The following CNTNAP2 variants were observed in gnomAD, a reference collection of about 807,000 sequenced individuals.
CNTNAP2 encodes contactin-associated protein-like 2.
CNTNAP2 carries 98 observed loss-of-function variants against 155.2 expected under a neutral mutation model. The ratio of observed to expected loss-of-function variants is 0.63; its 90% CI spans 0.54 to 0.75. The LOEUF is 0.75. Ranked by LOEUF, CNTNAP2 falls within the 30% of genes least tolerant of loss-of-function variation. The pLI, the probability that CNTNAP2 is intolerant of heterozygous loss-of-function variation, is 0.00. For missense variants in CNTNAP2, 1,727 were observed against 1,688.1 expected (o/e 1.02, Z -0.40); for synonymous variants, 651 against 631.2 (o/e 1.03, Z -0.47).
chr7:147,898,937 G>T (rs561191810), intron 13 of CNTNAP2, among the ~76,000 whole-genome samples: 1 of 150,362 alleles, frequency 6.7e-6, no homozygotes, highest in South Asian at 2.1e-4. Context: ...TGTTCTCAAG[G>T]TTCATCCATG....
At chr7:147,543,846 A>T (rs1363470653) in intron 11 of CNTNAP2, among the ~76,000 whole-genome samples, 1 of 152,154 alleles carries the variant, frequency 6.6e-6, no homozygotes, top group Non-Finnish European at 1.5e-5. Flanking sequence ...CTCTTTTTAT[A>T]ATGGAAACTA....
At chr7:147,929,755 A>G (rs1305436491) in intron 14 of CNTNAP2, among the ~76,000 whole-genome samples, 1 of 152,240 alleles carries the variant, frequency 6.6e-6, no homozygotes, top group Non-Finnish European at 1.5e-5. Flanking sequence ...AAGAAAATAC[A>G]TACAGAGCAG....
At chr7:147,169,303 A>G (rs1201419941) in intron 8 of CNTNAP2, among the ~76,000 whole-genome samples, 1 of 152,194 alleles carries the variant, frequency 6.6e-6, no homozygotes, top group Non-Finnish European at 1.5e-5. Flanking sequence ...TAATTTAGAT[A>G]CAGCAGGTAC....
intron 13 of CNTNAP2, among the ~76,000 whole-genome samples, chr7:147,810,806 G>T (rs1798167903): frequency 1.3e-5 from 2 of 152,290 alleles, no homozygotes; most frequent in Non-Finnish European, 2.9e-5. Context: ...CAACACGACT[G>T]GTTGAATACT....
At chr7:146,716,786 A>C (rs779294645) in intron 1 of CNTNAP2, among the ~76,000 whole-genome samples, 3 of 152,226 alleles carry the variant, frequency 2.0e-5, no homozygotes, top group Non-Finnish European at 4.4e-5. Flanking sequence ...TGCAATCTTT[A>C]AGCAGGAAGA....
At chr7:146,599,620 G>A (rs541923668) in intron 1 of CNTNAP2, among the ~76,000 whole-genome samples, 1 of 151,794 alleles carries the variant, frequency 6.6e-6, no homozygotes, top group East Asian at 1.9e-4. Flanking sequence ...CTTATATTAT[G>A]CTTTAATGTA....
At chr7:147,584,577 T>C (rs771174333) in intron 12 of CNTNAP2, among the ~76,000 whole-genome samples, 3 of 152,242 alleles carry the variant, frequency 2.0e-5, no homozygotes, top group Admixed American at 6.5e-5. Flanking sequence ...TCAAAGCCAT[T>C]ACATGGTTTG....
At chr7:147,314,090 A>T (rs148048849) in intron 9 of CNTNAP2, among the ~76,000 whole-genome samples, 8 of 152,008 alleles carry the variant, frequency 5.3e-5, no homozygotes, top group Non-Finnish European at 7.4e-5. Context: ...ATAAGAATGC[A>T]TGTGATTTTT....
chr7:147,044,822 C>T (rs572082796), intron 4 of CNTNAP2, among the ~76,000 whole-genome samples: 1 of 152,028 alleles, frequency 6.6e-6, no homozygotes, highest in South Asian at 2.1e-4. Context: ...TATCCTTATG[C>T]TTATCCATAT....
At chr7:147,441,846 TCTCTCCCTCC>T (rs1797644103) in intron 10 of CNTNAP2, among the ~76,000 whole-genome samples, 2 of 117,044 alleles carry the variant, frequency 1.7e-5, no homozygotes, top group Non-Finnish European at 3.9e-5. Context: ...TCTCTCTCTC[TCTCTCCCTCC>T]CTCCCTCCCT....
intron 14 of CNTNAP2, among the ~76,000 whole-genome samples, chr7:147,974,930 T>C (rs1055861044): frequency 3.3e-5 from 5 of 151,546 alleles, no homozygotes; most frequent in African/African-American, 1.2e-4. Flanking sequence ...GAATATTCAT[T>C]CTTATTGTTG....
At chr7:147,540,807 G>A (rs1799625211) in intron 11 of CNTNAP2, among the ~76,000 whole-genome samples, 1 of 149,710 alleles carries the variant, frequency 6.7e-6, no homozygotes, top group Non-Finnish European at 1.5e-5. Flanking sequence ...ATCCAGCCTG[G>A]TGACAGAGCA....
In CNTNAP2 at chr7:146,233,790, G is replaced by A. The variant is rs7779448; in HGVS notation, c.97+116817G>A. ...TTCATCCATGTCCCTACAAAGCACA[G>A]GAACTCATCATTTTTTATGGCTGCA... On this transcript the variant is annotated intron_variant, in intron 1 of 23. Transcript: ENST00000361727. Among the ~76,000 whole-genome samples the A allele has an allele frequency of 5.3e-3, 796 of 151,058 alleles. 4 individuals carry two copies. The highest frequency in any genetic ancestry group is 0.018 in the African/African-American group (757 of 41,156).
At chr7:146,274,920 G>C (rs1003442838) in intron 1 of CNTNAP2, among the ~76,000 whole-genome samples, 4 of 152,042 alleles carry the variant, frequency 2.6e-5, no homozygotes, top group African/African-American at 9.7e-5. Flanking sequence ...CTGATGCCAG[G>C]TTATGCGGTG....
At chr7:147,145,242 A>G (rs1368936220) in intron 8 of CNTNAP2, among the ~76,000 whole-genome samples, 1 of 152,190 alleles carries the variant, frequency 6.6e-6, no homozygotes, top group Non-Finnish European at 1.5e-5. Flanking sequence ...TATTCAGTGA[A>G]GAATCCTCAA....
chr7:148,075,867 T>A (rs558216543), intron 15 of CNTNAP2, among the ~76,000 whole-genome samples: 49 of 152,296 alleles, frequency 3.2e-4, no homozygotes, highest in African/African-American at 1.1e-3. Context: ...TATTCAAATA[T>A]TGTTATCAAA....
intron 8 of CNTNAP2, among the ~76,000 whole-genome samples, chr7:147,161,175 A>G (rs1802016484): frequency 6.6e-6 from 1 of 152,154 alleles, no homozygotes; most frequent in Non-Finnish European, 1.5e-5. Context: ...TATTAGAGAT[A>G]CAAAGTATAG....
chr7:146,547,874 G>T, intron 1 of CNTNAP2, among the ~76,000 whole-genome samples: 1 of 150,236 alleles, frequency 6.7e-6, no homozygotes. Context: ...ACCTTAATAC[G>T]GTTTCCGTAG....
intron 1 of CNTNAP2, among the ~76,000 whole-genome samples, chr7:146,416,820 G>T (rs1795944493): frequency 6.6e-6 from 1 of 151,984 alleles, no homozygotes; most frequent in Non-Finnish European, 1.5e-5. Flanking sequence ...CTTATATTTG[G>T]TGTGAATGCA....
Sources: gnomAD v4.1 joint callset for allele counts (sites outside exome capture counted in the v4.1 genomes callset) on GRCh38, gnomAD v4.1.1 for gene constraint, MANE v1.5 for transcripts, NCBI Gene and HGNC (gene_info 2026-07-23, HGNC 2026-07-21) for gene names.